Variants in KANK1 observed in about 807,000 individuals in gnomAD.
The protein encoded by KANK1 is KN motif and ankyrin repeat domain-containing protein 1.
Under a neutral mutation model 106.2 loss-of-function variants are expected in KANK1, and 109 were observed. That is an observed-to-expected ratio of 1.03 (90% CI 0.88 to 1.20). The LOEUF (loss-of-function observed/expected upper bound fraction) is 1.20. KANK1 is among the 50% of genes most tolerant of loss of function. The pLI, the probability that KANK1 is intolerant of heterozygous loss-of-function variation, is 0.00. For missense variants in KANK1, 2,399 were observed against 1,710.7 expected, an observed-to-expected ratio of 1.40 and a Z score of -7.10; for synonymous variants, 873 against 652.2, an observed-to-expected ratio of 1.34 and a Z score of -5.16.
At chr9:636,154 T>C (rs746986011) in intron 1 of KANK1, among the ~76,000 whole-genome samples, 3 of 152,216 alleles carry the variant, frequency 2.0e-5, no homozygotes, top group Non-Finnish European at 4.4e-5. Context: ...TCAGTTTCAG[T>C]TGGCCTGGGT....
In KANK1 at chr9:732,535, A is replaced by G. The variant is rs1474079311; in HGVS notation, c.3163A>G (p.Ile1055Val). The change falls in exon 6 of 12, where the codon ATT (isoleucine) becomes GTT (valine). Residue 1055 changes from isoleucine (I) to valine (V), a missense_variant. Transcript: ENST00000382297. ...GMAEGHHAVN[I>V]EGLKSARVED... ...GGCAGAAGGGCACCATGCAGTTAATATTGAAGGTTTGAAGTCTGCCAGGGT... is the reference window on the plus strand; with the variant it reads ...GGCAGAAGGGCACCATGCAGTTAATGTTGAAGGTTTGAAGTCTGCCAGGGT... 5.0e-6 allele frequency: 8 copies of G among 1,614,180 alleles called. No individual in the cohort carries two copies. The highest frequency in any genetic ancestry group is 6.8e-6 in the Non-Finnish European group (8 of 1,180,028).
intron 3 of KANK1, among the ~76,000 whole-genome samples, chr9:714,827 A>C (rs1827250182): frequency 6.6e-6 from 1 of 152,118 alleles, no homozygotes; most frequent in Admixed American, 6.6e-5. Context: ...GCTTGTGACC[A>C]TGTGCACTGC....
chr9:643,342 A>G (rs1838896931), intron 1 of KANK1, among the ~76,000 whole-genome samples: 1 of 150,810 alleles, frequency 6.6e-6, no homozygotes, highest in South Asian at 2.1e-4. Flanking sequence ...GCTTTTTGCC[A>G]TTTAAAAACA....
intron 1 of KANK1, among the ~76,000 whole-genome samples, chr9:634,667 C>A (rs571398136): frequency 6.6e-6 from 1 of 152,168 alleles, no homozygotes; most frequent in African/African-American, 2.4e-5. Flanking sequence ...CTGTTATCAT[C>A]CTTGTTTCAA....
chr9:472,439 C>G (rs975098843), intron 2 of KANK1, among the ~76,000 whole-genome samples: 1 of 152,030 alleles, frequency 6.6e-6, no homozygotes, highest in Non-Finnish European at 1.5e-5. Context: ...AGAGCTCTCT[C>G]AGGACCCAGT....
At chr9:579,511 G>C (rs905220027) in intron 1 of KANK1, among the ~76,000 whole-genome samples, 1 of 152,152 alleles carries the variant, frequency 6.6e-6, no homozygotes, top group Admixed American at 6.5e-5. Flanking sequence ...GTCGTCCACA[G>C]CATGCAACAC....
chr9:731,502 A>T (rs1832253511), intron 5 of KANK1: 1 of 342,130 alleles, frequency 2.9e-6, no homozygotes, highest in African/African-American at 2.1e-5. Context: ...ACATCTCCTC[A>T]CCTCTGATCT....
In KANK1 at chr9:732,218, C is replaced by T. The variant is rs947669758; in HGVS notation, c.3006-160C>T. 147 of 759,990 alleles carry T rather than the reference C, an allele frequency of 1.9e-4. No individual in the cohort carries two copies. In the East Asian group the frequency reaches 3.1e-3, roughly 16 times the overall value. 47.1% of individuals were successfully genotyped at this position (759,990 alleles called of 1,614,324 possible). A position where few individuals can be genotyped will look rare whatever the true frequency, so the allele number is the denominator to read the frequency against. ...TTAAGTTAGAGTCCATTCAAAACCA[C>T]CAGGCATTTAAATAGACCTTACTTT... On this transcript the variant is annotated intron_variant, in intron 5 of 11. Transcript: ENST00000382297.
intron 1 of KANK1, among the ~76,000 whole-genome samples, chr9:667,751 T>G (rs1001696031): frequency 1.9e-4 from 29 of 151,338 alleles, no homozygotes; most frequent in Admixed American, 2.6e-4. Context: ...TGTTTTGTTT[T>G]TTTTTTTGAG....
intron 3 of KANK1, among the ~76,000 whole-genome samples, chr9:719,105 A>G (rs1828590860): frequency 6.6e-6 from 1 of 151,844 alleles, no homozygotes; most frequent in South Asian, 2.1e-4. Context: ...GACTACAGGC[A>G]CACGCCACCA....
intron 1 of KANK1, among the ~76,000 whole-genome samples, chr9:518,934 A>G (rs1466527280): frequency 4.6e-5 from 7 of 151,082 alleles, no homozygotes; most frequent in African/African-American, 1.7e-4. Context: ...CTTGTTGCCC[A>G]GGCTGGAGTG....
At chr9:740,594 C>T (rs867223224) in intron 8 of KANK1, among the ~76,000 whole-genome samples, 198 bp from the exon 9 acceptor site, 2 of 152,080 alleles carry the variant, frequency 1.3e-5, no homozygotes, top group African/African-American at 2.4e-5. Flanking sequence ...CTTCAGGTGT[C>T]GTGAAATAGG....
At chr9:495,022 A>G (rs1028504813) in intron 3 of KANK1, among the ~76,000 whole-genome samples, 48 of 152,248 alleles carry the variant, frequency 3.2e-4, no homozygotes, top group Admixed American at 3.1e-3. Context: ...AGCAAGTGCA[A>G]AGTAACTAGG....
intron 1 of KANK1, among the ~76,000 whole-genome samples, chr9:568,102 G>A (rs35040092): frequency 1.8e-3 from 278 of 152,216 alleles, no homozygotes; most frequent in Middle Eastern, 0.01. Context: ...GATGAGTGAA[G>A]TATGAGGTAG....
In KANK1 at chr9:740,953, T is replaced by C. The variant is rs1329095066; in HGVS notation, c.3696+19T>C. 2 of 1,613,512 alleles carry C rather than the reference T, an allele frequency of 1.2e-6. No homozygotes were observed. The highest frequency in any genetic ancestry group is 1.7e-6 in the Non-Finnish European group (2 of 1,179,706). On this transcript the variant is annotated intron_variant, in intron 9 of 11. Transcript: ENST00000382297. ...TAGTCAGGTTAGTGCGCCTGGTTCC[T>C]GTGCTCAGGAATGCACCCGTAACCA... is the stretch of plus-strand genomic sequence containing the variant.
rs572271218 is a variant in KANK1, at chr9:710,973, G to T, written c.207G>T (p.Pro69=). The change falls in exon 3 of 12, where the codon CCG becomes CCT. Residue 69 remains proline (P), a synonymous_variant. Coordinates refer to ENST00000382297, the MANE Select transcript of KANK1 (RefSeq NM_015158.5). ...TGAACATCCAGAAGAGGCGGAAGCC[G>T]TCCGTGCCATGCCCAGAACCCAGGA... ...KRLNIQKRRK[P]SVPCPEPRTT... 1 of 1,614,048 alleles carries T rather than the reference G, an allele frequency of 6.2e-7. No homozygotes were observed.
intron 1 of KANK1, among the ~76,000 whole-genome samples, chr9:608,659 T>G (rs555652697): frequency 3.1e-4 from 47 of 149,252 alleles, no homozygotes; most frequent in Non-Finnish European, 6.0e-4. Flanking sequence ...TCAGTCTGTC[T>G]TTCATCAAGT....
At chr9:688,017 G>A (rs1182080190) in intron 2 of KANK1, among the ~76,000 whole-genome samples, 1 of 152,158 alleles carries the variant, frequency 6.6e-6, no homozygotes, top group Non-Finnish European at 1.5e-5. Flanking sequence ...GCATGATGCT[G>A]GGCATATAAT....
At chr9:739,455 T>C (rs1203579381) in intron 8 of KANK1, among the ~76,000 whole-genome samples, 3 of 152,238 alleles carry the variant, frequency 2.0e-5, no homozygotes, top group Non-Finnish European at 4.4e-5. Context: ...AGATTTATCC[T>C]TCCTTTCTCT....
Sources: gnomAD v4.1 joint callset for allele counts (sites outside exome capture counted in the v4.1 genomes callset) on GRCh38, gnomAD v4.1.1 for gene constraint, MANE v1.5 for transcripts, NCBI Gene and HGNC (gene_info 2026-07-23, HGNC 2026-07-21) for gene names.